The following TCP11L1 variants were observed in gnomAD, a reference collection of about 807,000 sequenced individuals.
The protein encoded by TCP11L1 is T-complex protein 11-like protein 1.
TCP11L1 carries 28 observed loss-of-function variants against 48.9 expected under a neutral mutation model. That is an observed-to-expected ratio of 0.57 (90% confidence interval 0.42 to 0.78). TCP11L1 has a LOEUF of 0.78. TCP11L1 is among the 30% of genes least tolerant of loss of function. TCP11L1 has a pLI of 0.00. For synonymous variants in TCP11L1, 204 were observed against 231.9 expected, an observed-to-expected ratio of 0.88 and a Z score of 1.09; for missense variants, 505 against 613.4, an observed-to-expected ratio of 0.82 and a Z score of 1.87.
intron 9 of TCP11L1, 83 bp from the exon 10 acceptor site, chr11:33,072,391 A>G (rs1854819056): frequency 6.9e-7 from 1 of 1,444,506 alleles, no homozygotes; most frequent in Non-Finnish European, 9.7e-7. Context: ...CTAAGAGGTG[A>G]TGGTTAAGCT....
intron 2 of TCP11L1, among the ~76,000 whole-genome samples, chr11:33,047,665 C>G (rs1267532838): frequency 6.6e-6 from 1 of 152,182 alleles, no homozygotes; most frequent in African/African-American, 2.4e-5. Context: ...TATGGTGTCT[C>G]TGTATTCAGT....
chr11:33,059,718 C>T (rs116465033), intron 6 of TCP11L1, among the ~76,000 whole-genome samples: 2,384 of 152,228 alleles, frequency 0.016, 69 homozygotes, highest in African/African-American at 0.053. Context: ...ACTTTGCTGA[C>T]GAGGAGATGA....
intron 1 of TCP11L1, 89 bp from the exon 2 acceptor site, chr11:33,043,661 G>A: frequency 3.5e-6 from 4 of 1,135,884 alleles, no homozygotes; most frequent in Non-Finnish European, 4.9e-6. Context: ...AACCCAAAGA[G>A]GTTAAATGAT....
At chr11:33,071,197 C>T (rs1460466103) in intron 9 of TCP11L1, among the ~76,000 whole-genome samples, 5 of 152,062 alleles carry the variant, frequency 3.3e-5, no homozygotes, top group Non-Finnish European at 7.4e-5. Context: ...CGCCTGTAAT[C>T]CCAGCTACTC....
chr11:33,063,734 G>A (rs1854531798), intron 7 of TCP11L1, among the ~76,000 whole-genome samples: 1 of 152,124 alleles, frequency 6.6e-6, no homozygotes, highest in African/African-American at 2.4e-5. Context: ...CTTATCACTA[G>A]CCTCAGATCC....
intron 1 of TCP11L1, among the ~76,000 whole-genome samples, chr11:33,042,670 T>G (rs904552463): frequency 1.4e-4 from 21 of 152,282 alleles, no homozygotes; most frequent in African/African-American, 5.1e-4. Context: ...CAGTGGCTCA[T>G]GGCTGTAATC....
At chr11:33,061,345 A>G (rs1854460221) in intron 6 of TCP11L1, among the ~76,000 whole-genome samples, 185 bp from the exon 7 acceptor site, 3 of 152,204 alleles carry the variant, frequency 2.0e-5, no homozygotes, top group Admixed American at 2.0e-4. Flanking sequence ...CAGACACATT[A>G]TGACTTGCCT....
chr11:33,066,308 G>A (rs1278397973), intron 8 of TCP11L1, among the ~76,000 whole-genome samples: 1 of 152,196 alleles, frequency 6.6e-6, no homozygotes, highest in Admixed American at 6.5e-5. Context: ...CAAGGAGTTG[G>A]GTTATTGTCC....
rs1854364477 is a variant in TCP11L1, at chr11:33,058,139, G to A, written c.638G>A (p.Arg213Lys). Residue 213 changes from arginine to lysine, a missense_variant and splice_region_variant, in exon 5 of 10, where the codon AGA (arginine) becomes AAA (lysine). Physicochemically the swap from Arg to Lys is conservative, Grantham distance 26. Around this residue, in one of 3 missense-constraint regions of TCP11L1, gnomAD observed 335 missense variants for 413.3 expected, o/e 0.81. Transcript: ENST00000334274. Reference sequence around the variant, plus strand: ...ATTAAGGAAATAGTGCCCCTTTTCAGGTATGGAAATATGTTAATCATACTC... The same window carrying A: ...ATTAAGGAAATAGTGCCCCTTTTCAAGTATGGAAATATGTTAATCATACTC... ...KDIKEIVPLF[R>K]EIFSVLDLMK... 1.2e-6 allele frequency: 2 copies of A among 1,610,874 alleles called. No homozygotes were observed. The highest frequency in any genetic ancestry group is 1.7e-6 in the Non-Finnish European group (2 of 1,179,410).
At chr11:33,068,581 C>T (rs1564988494) in intron 8 of TCP11L1, 106 bp from the exon 9 acceptor site, 1 of 1,405,228 alleles carries the variant, frequency 7.1e-7, no homozygotes, top group Non-Finnish European at 9.8e-7. Flanking sequence ...CCCTTGAACA[C>T]ACAAATCCAG....
At chr11:33,053,066 G>A (rs1445452045) in intron 2 of TCP11L1, among the ~76,000 whole-genome samples, 1 of 151,736 alleles carries the variant, frequency 6.6e-6, no homozygotes, top group African/African-American at 2.4e-5. Context: ...ACCCTGAGAG[G>A]TGGGCTCAGC....
In TCP11L1 at chr11:33,072,931, C is replaced by A; in HGVS notation, c.*255C>A. 1 of 472,966 alleles carries A rather than the reference C, an allele frequency of 2.1e-6. No individual in the cohort carries two copies. Among genetic ancestry groups the A allele is most frequent in the South Asian group, 2.1e-5 (1 of 46,764 alleles). 29.3% of individuals were successfully genotyped at this position (472,966 alleles called of 1,614,324 possible). Reference sequence around the variant, plus strand: ...TTGTTCTCGAGTTTTACAGGTAACACTCAGCTGTTGTCTCCACTCCTCCCC... The same window carrying A: ...TTGTTCTCGAGTTTTACAGGTAACAATCAGCTGTTGTCTCCACTCCTCCCC... On this transcript the variant is annotated 3_prime_UTR_variant, in exon 10 of 10. Coordinates refer to ENST00000334274, the MANE Select transcript of TCP11L1 (RefSeq NM_018393.4).
At chr11:33,064,554 A>T (rs937885899) in intron 7 of TCP11L1, among the ~76,000 whole-genome samples, 2 of 149,170 alleles carry the variant, frequency 1.3e-5, no homozygotes. Context: ...AGGACCCAGG[A>T]CTGTCTTTAA....
At chr11:33,068,641 G>A (rs141808427) in intron 8 of TCP11L1, 46 bp from the exon 9 acceptor site, 15 of 1,597,204 alleles carry the variant, frequency 9.4e-6, no homozygotes, top group Middle Eastern at 1.7e-4. Context: ...GAGCTGGTTA[G>A]AGGTGTATTT....
At chr11:33,067,453 A>G (rs917051446) in intron 8 of TCP11L1, among the ~76,000 whole-genome samples, 1 of 152,190 alleles carries the variant, frequency 6.6e-6, no homozygotes, top group African/African-American at 2.4e-5. Flanking sequence ...GGGCCTCAAC[A>G]GTTTTGACAG....
Position 33,072,732 on chromosome 11 carries a change from G to A in TCP11L1, c.*56G>A. On this transcript the variant is annotated 3_prime_UTR_variant, in exon 10 of 10. Transcript: ENST00000334274. The stretch of plus-strand genomic sequence containing the variant: ...TCACTAGCCACAGAATACCTGTTCT[G>A]TACTCTAATGTTGCATTGGAAAATG... The A allele has an allele frequency of 6.3e-7, 1 of 1,589,654 alleles. No individual in the cohort carries two copies. Among genetic ancestry groups the A allele is most frequent in the South Asian group, 1.1e-5 (1 of 90,244 alleles).
chr11:33,072,490 C>T lies in TCP11L1; in HGVS notation c.1344C>T (p.Thr448=), dbSNP rs1854822201. 2.5e-6 allele frequency: 4 copies of T among 1,614,112 alleles called. No homozygotes were observed. Among genetic ancestry groups the T allele is most frequent in the Non-Finnish European group, 3.4e-6 (4 of 1,180,018 alleles). Reference sequence around the variant, plus strand: ...TTGTCACAGAATCTCGAATCCTGACCTTCTTAGAAACCTACCTTGCCTCGG... The same window carrying T: ...TTGTCACAGAATCTCGAATCCTGACTTTCTTAGAAACCTACCTTGCCTCGG... ...IRRIMESRIL[T]FLETYLASGH... Residue 448 remains threonine (T), a synonymous_variant, in exon 10 of 10, where the codon ACC becomes ACT. Transcript: ENST00000334274.
chr11:33,052,455 C>A (rs1854188050), intron 2 of TCP11L1, among the ~76,000 whole-genome samples: 1 of 147,392 alleles, frequency 6.8e-6, no homozygotes, highest in Admixed American at 6.9e-5. Flanking sequence ...ATGACCAGCT[C>A]TTCGATTTGG....
chr11:33,068,601 C>A, intron 8 of TCP11L1, 86 bp from the exon 9 acceptor site: 1 of 1,481,192 alleles, frequency 6.8e-7, no homozygotes, highest in Non-Finnish European at 9.2e-7. Flanking sequence ...GTTATTGGTG[C>A]CGTCATTCTC....
Sources: allele counts gnomAD v4.1 joint callset (sites outside exome capture counted in the v4.1 genomes callset), GRCh38; gene constraint gnomAD v4.1.1; regional missense constraint gnomAD v4.1.1; transcripts MANE v1.5; gene names NCBI Gene and HGNC (gene_info 2026-07-23, HGNC 2026-07-21).